The following CELF1 variants were observed in gnomAD, a reference collection of about 807,000 sequenced individuals.
CELF1 encodes CUGBP Elav-like family member 1, also known as 50 kDa nuclear polyadenylated RNA-binding protein.
Under a neutral mutation model 61.8 loss-of-function variants are expected in CELF1, and 10 were observed. That is an observed-to-expected ratio of 0.16 (90% CI 0.10 to 0.27). The LOEUF is 0.27. Ranked by LOEUF, CELF1 falls within the 10% of genes least tolerant of loss-of-function variation. The pLI, the probability that CELF1 is intolerant of heterozygous loss-of-function variation, is 1.00. For missense variants in CELF1, 380 were observed against 639.1 expected (o/e 0.59, Z 4.37); for synonymous variants, 236 against 225.1 (o/e 1.05, Z -0.43).
In CELF1 at chr11:47,482,675, A is replaced by G. The variant is rs1470936107; in HGVS notation, c.768+20T>C. The G allele has an allele frequency of 6.2e-7, 1 of 1,607,782 alleles. No homozygotes were observed. The highest frequency in any genetic ancestry group is 1.1e-5 in the South Asian group (1 of 90,574). On this transcript the variant is annotated intron_variant, in intron 9 of 14. Transcript: ENST00000687097. ...CTGGGAGCTTGCACAGTCTGCAGAA[A>G]GCAAACCACAAAGACTCACTGCTAA...
chr11:47,501,199 A>G (rs888072634), intron 1 of CELF1, among the ~76,000 whole-genome samples: 3 of 152,192 alleles, frequency 2.0e-5, no homozygotes, highest in African/African-American at 7.2e-5. Context: ...ATTTACTACT[A>G]TAGAGGCAGA....
chr11:47,484,924 C>T (rs374450732), intron 6 of CELF1, among the ~76,000 whole-genome samples: 49 of 152,238 alleles, frequency 3.2e-4, no homozygotes, highest in Non-Finnish European at 7.4e-5. Flanking sequence ...GTGATCCACC[C>T]GCCTCGGCCT....
intron 1 of CELF1, among the ~76,000 whole-genome samples, chr11:47,520,051 T>C (rs893464773): frequency 1.3e-5 from 2 of 149,848 alleles, no homozygotes; most frequent in Admixed American, 6.6e-5. Context: ...AAAAAGCAAC[T>C]ACATTTTTAG....
At chr11:47,472,980 G>A in intron 14 of CELF1, 108 bp downstream of exon 14, 1 of 1,330,038 alleles carries the variant, frequency 7.5e-7, no homozygotes, top group Non-Finnish European at 1.0e-6. Context: ...CCATGGCCAA[G>A]TTAAAACAAC....
Position 47,471,087 on chromosome 11 carries a change from C to G in CELF1, c.*1143G>C, listed in dbSNP as rs1454136523. On this transcript the variant is annotated 3_prime_UTR_variant, in exon 15 of 15. Coordinates refer to ENST00000687097, the MANE Select transcript of CELF1 (RefSeq NM_001376376.1). ...TGTGGGAATACTACATCTGGGACAC[C>G]TCAATCAAGGAGGCAAGGGAGAATT... is the stretch of plus-strand genomic sequence containing the variant. 1 of 152,130 alleles carries G rather than the reference C, an allele frequency of 6.6e-6. No individual in the cohort carries two copies. Among genetic ancestry groups the G allele is most frequent in the African/African-American group, 2.4e-5 (1 of 41,416 alleles). The allele number at this position is 152,130 out of a possible 1,614,324, so 9.4% of individuals were successfully genotyped here.
chr11:47,558,690 T>G (rs1565921785), intron 2 of CELF1, among the ~76,000 whole-genome samples: 1 of 113,750 alleles, frequency 8.8e-6, no homozygotes, highest in African/African-American at 3.5e-5. Context: ...ATATATTATA[T>G]ATAATATATG....
intron 3 of CELF1, among the ~76,000 whole-genome samples, chr11:47,498,765 A>T (rs112541105): frequency 2.6e-5 from 4 of 152,318 alleles, no homozygotes; most frequent in African/African-American, 9.6e-5. Context: ...GCTGTGTACA[A>T]CAGCAGTTCT....
At chr11:47,545,905 G>A (rs7105299) in intron 1 of CELF1, among the ~76,000 whole-genome samples, 44,314 of 107,916 alleles carry the variant, frequency 0.41, 7,756 homozygotes, top group Middle Eastern at 0.5. Flanking sequence ...GTGTGTGTGT[G>A]TATATATATA....
intron 1 of CELF1, among the ~76,000 whole-genome samples, chr11:47,541,579 A>G (rs1478891224): frequency 6.6e-6 from 1 of 151,662 alleles, no homozygotes; most frequent in East Asian, 1.9e-4. Flanking sequence ...AATCCCAGCA[A>G]CTTGGGAGGC....
In CELF1 at chr11:47,472,248, A is replaced by G; in HGVS notation, c.1527T>C (p.Asn509=). The G allele has an allele frequency of 1.2e-6, 2 of 1,614,160 alleles. No individual in the cohort carries two copies. Among genetic ancestry groups the G allele is most frequent in the Non-Finnish European group, 1.7e-6 (2 of 1,180,012 alleles). The change falls in exon 15 of 15, where the codon AAT becomes AAC. Residue 509 remains asparagine, a synonymous_variant. Coordinates refer to ENST00000687097, the MANE Select transcript of CELF1 (RefSeq NM_001376376.1). ...AGCACGCTCAGTAGGGCTTGCTGTC[A>G]TTCTTCGAACGTTTGAGCTGCACTT... ...RLKVQLKRSK[N]DSKPY
chr11:47,545,850 CGT>C (rs1206141521), intron 1 of CELF1, among the ~76,000 whole-genome samples: 47 of 124,066 alleles, frequency 3.8e-4, no homozygotes, highest in Middle Eastern at 4.5e-3. Context: ...CATATGTATA[CGT>C]GTGTGTGTGT....
At chr11:47,509,215 C>CT (rs1256770518) in intron 1 of CELF1, among the ~76,000 whole-genome samples, 1 of 152,198 alleles carries the variant, frequency 6.6e-6, no homozygotes, top group East Asian at 1.9e-4. Context: ...TGTTTTACAT[C>CT]TTTCCTTTCA....
intron 1 of CELF1, among the ~76,000 whole-genome samples, chr11:47,503,570 G>A (rs1257037960): frequency 6.6e-6 from 1 of 152,134 alleles, no homozygotes; most frequent in Non-Finnish European, 1.5e-5. Context: ...CTAGGGAATG[G>A]TTATAACCTC....
intron 1 of CELF1, among the ~76,000 whole-genome samples, chr11:47,515,974 T>C (rs1439411982): frequency 2.0e-5 from 3 of 149,122 alleles, no homozygotes; most frequent in African/African-American, 7.3e-5. Context: ...TAGAGGGTAG[T>C]GGTGCAATCT....
intron 1 of CELF1, among the ~76,000 whole-genome samples, chr11:47,513,299 C>A (rs1393372515): frequency 6.6e-6 from 1 of 152,190 alleles, no homozygotes; most frequent in Non-Finnish European, 1.5e-5. Context: ...TAACACATAT[C>A]AGACCTTCAA....
At chr11:47,525,890 G>A (rs2096211537) in intron 1 of CELF1, among the ~76,000 whole-genome samples, 1 of 150,880 alleles carries the variant, frequency 6.6e-6, no homozygotes, top group African/African-American at 2.4e-5. Context: ...GACCAGCCTG[G>A]GCAATGTGGC....
At chr11:47,516,119 G>A (rs2095539222) in intron 1 of CELF1, among the ~76,000 whole-genome samples, 1 of 150,222 alleles carries the variant, frequency 6.7e-6, no homozygotes, top group Admixed American at 6.7e-5. Context: ...AGGAAGAATT[G>A]CTTGAACCCA....
chr11:47,509,608 G>A (rs938959992), intron 1 of CELF1, among the ~76,000 whole-genome samples: 5 of 152,102 alleles, frequency 3.3e-5, no homozygotes, highest in African/African-American at 9.7e-5. Flanking sequence ...AAAATGTAGG[G>A]AACAGCCAGG....
rs116929680 is a variant in CELF1 at position 47,552,512 on chromosome 11, G to C, written c.-154+480C>G. ...GAGGAACGAGGGGCTCTCGAGGCTC[G>C]GGAAAAGCGCTGCCTTCTAGGGGCG... On this transcript the variant is annotated intron_variant, in intron 1 of 14. Coordinates refer to ENST00000687097, the MANE Select transcript of CELF1 (RefSeq NM_001376376.1). 3.3e-5 allele frequency among the ~76,000 whole-genome samples: 5 copies of C among 152,334 alleles called. No homozygotes were observed. The South Asian group carries it at 8.3e-4, about 25-fold the overall frequency.
Sources: gnomAD v4.1 joint callset for allele counts (sites outside exome capture counted in the v4.1 genomes callset) on GRCh38, gnomAD v4.1.1 for gene constraint, MANE v1.5 for transcripts, NCBI Gene and HGNC (gene_info 2026-07-23, HGNC 2026-07-21) for gene names.